The following TSEN15 variants were observed in gnomAD, a reference collection of about 807,000 sequenced individuals.
The protein encoded by TSEN15 is tRNA-splicing endonuclease subunit Sen15.
TSEN15 carries 10 observed loss-of-function variants against 20.5 expected under a neutral mutation model. The ratio of observed to expected loss-of-function variants is 0.49; its 90% confidence interval spans 0.30 to 0.83. The LOEUF is 0.83. TSEN15 is among the 40% of genes least tolerant of loss of function. The pLI, the probability that TSEN15 is intolerant of heterozygous loss-of-function variation, is 0.06. For synonymous variants in TSEN15, 72 were observed against 80.1 expected (o/e 0.90, Z 0.54); for missense variants, 180 against 218.6 (o/e 0.82, Z 1.11).
At chr1:184,054,534 T>C in intron 2 of TSEN15, 99 bp downstream of exon 2, 1 of 1,185,378 alleles carries the variant, frequency 8.4e-7, no homozygotes, top group Non-Finnish European at 1.2e-6. Flanking sequence ...AGCAATCTTT[T>C]ATGCATTTGC....
chr1:184,077,941 T>C (rs1196818882), downstream of TSEN15, among the ~76,000 whole-genome samples: 1 of 152,152 alleles, frequency 6.6e-6, no homozygotes, highest in Non-Finnish European at 1.5e-5. Flanking sequence ...TGACAAAATA[T>C]TTAGAAAATT....
chr1:184,061,219 C>G (rs1442461959), intron 3 of TSEN15, among the ~76,000 whole-genome samples: 1 of 152,112 alleles, frequency 6.6e-6, no homozygotes, highest in Non-Finnish European at 1.5e-5. Context: ...TTGTTAGAAA[C>G]AAATTACTTG....
intron 3 of TSEN15, among the ~76,000 whole-genome samples, chr1:184,081,274 G>A (rs1034590889): frequency 2.0e-5 from 3 of 152,196 alleles, no homozygotes; most frequent in East Asian, 3.9e-4. Context: ...CATTTAACAA[G>A]TGTTTATTGC....
At chr1:184,070,606 A>G (rs1411833864) in intron 3 of TSEN15, 1 of 1,187,142 alleles carries the variant, frequency 8.4e-7, no homozygotes, top group East Asian at 5.7e-5. Flanking sequence ...TTCTATTATT[A>G]TTAATTTAGA....
intron 1 of TSEN15, among the ~76,000 whole-genome samples, chr1:184,052,836 C>T (rs1224529749): frequency 1.3e-5 from 2 of 152,174 alleles, no homozygotes. Context: ...TGGTTAGGCG[C>T]ATGAACTCAA....
intron 3 of TSEN15, among the ~76,000 whole-genome samples, chr1:184,092,583 T>A (rs930003457): frequency 1.3e-5 from 2 of 152,186 alleles, no homozygotes; most frequent in Non-Finnish European, 2.9e-5. Flanking sequence ...CTGAAACCCA[T>A]GAATGAATGA....
intron 3 of TSEN15, among the ~76,000 whole-genome samples, chr1:184,062,109 C>G (rs996825730): frequency 2.0e-5 from 3 of 151,754 alleles, no homozygotes; most frequent in Non-Finnish European, 4.4e-5. Context: ...TTCTGATTAT[C>G]TAGTGGGAAA....
At chr1:184,080,611 A>C (rs1413592402) in intron 3 of TSEN15, among the ~76,000 whole-genome samples, 4 of 152,196 alleles carry the variant, frequency 2.6e-5, no homozygotes, top group African/African-American at 9.6e-5. Context: ...AATTCTGAAA[A>C]ACATATTCAT....
intron 3 of TSEN15, among the ~76,000 whole-genome samples, chr1:184,083,544 C>T (rs577051165): frequency 2.0e-5 from 3 of 152,302 alleles, no homozygotes; most frequent in South Asian, 2.1e-4. Context: ...TAATTCCTCT[C>T]ACATAATTAT....
At chr1:184,055,083 G>C (rs1650199613) in intron 3 of TSEN15, 1 of 476,682 alleles carries the variant, frequency 2.1e-6, no homozygotes, top group African/African-American at 1.9e-5. Context: ...AAAAAAAGAA[G>C]AGGTTTAAGT....
chr1:184,074,125 A>G lies in TSEN15; in HGVS notation c.*1278A>G, dbSNP rs1651007387. 6.6e-6 allele frequency: 1 copy of G among 152,170 alleles called. No individual in the cohort carries two copies. 9.4% of individuals were successfully genotyped at this position (152,170 alleles called of 1,614,324 possible). A position where few individuals can be genotyped will look rare whatever the true frequency, so the allele number is the denominator to read the frequency against. The stretch of plus-strand genomic sequence containing the variant: ...GTAAATCAAATTACTAACTGGTTAT[A>G]GTGGGATAGGAGGCAGAAAATGGAT... On this transcript the variant is annotated 3_prime_UTR_variant, in exon 5 of 5. Transcript: ENST00000645668.
At chr1:184,089,658 A>C (rs1458703390) in intron 3 of TSEN15, among the ~76,000 whole-genome samples, 1 of 152,116 alleles carries the variant, frequency 6.6e-6, no homozygotes, top group African/African-American at 2.4e-5. Flanking sequence ...TATCAAAATC[A>C]TTCATGAGGG....
intron 1 of TSEN15, among the ~76,000 whole-genome samples, chr1:184,053,111 G>C (rs1650114824): frequency 6.6e-6 from 1 of 152,162 alleles, no homozygotes; most frequent in South Asian, 2.1e-4. Context: ...GTGTTATTCA[G>C]TTTATATACT....
intron 3 of TSEN15, chr1:184,094,808 C>G (rs1455433005): frequency 2.6e-6 from 1 of 384,068 alleles, no homozygotes; most frequent in Non-Finnish European, 4.6e-6. Context: ...CAGAGACTAC[C>G]AATAAAATGT....
intron 3 of TSEN15, among the ~76,000 whole-genome samples, chr1:184,085,230 C>A (rs1025664900): frequency 2.0e-5 from 3 of 152,120 alleles, no homozygotes; most frequent in Non-Finnish European, 4.4e-5. Flanking sequence ...GCATTTAAGT[C>A]ATGGGATATG....
At chr1:184,076,177 C>G (rs1209733765), downstream of TSEN15, among the ~76,000 whole-genome samples, 1 of 151,948 alleles carries the variant, frequency 6.6e-6, no homozygotes, top group Non-Finnish European at 1.5e-5. Context: ...GCAACCCTGC[C>G]TCAAGCAAGA....
intron 3 of TSEN15, among the ~76,000 whole-genome samples, chr1:184,065,424 G>T (rs1182679653): frequency 6.6e-6 from 1 of 152,120 alleles, no homozygotes; most frequent in Admixed American, 6.5e-5. Flanking sequence ...GCACAATTCT[G>T]TGGATTTTGA....
intron 3 of TSEN15, among the ~76,000 whole-genome samples, chr1:184,056,265 A>C (rs1346865305): frequency 6.6e-6 from 1 of 152,064 alleles, no homozygotes; most frequent in Non-Finnish European, 1.5e-5. Flanking sequence ...CAGACTTTTA[A>C]ATTTTTGCCA....
chr1:184,069,064 A>G (rs980920712), intron 3 of TSEN15, among the ~76,000 whole-genome samples: 4 of 152,206 alleles, frequency 2.6e-5, no homozygotes, highest in African/African-American at 4.8e-5. Flanking sequence ...GAAAGCATTT[A>G]AATAGCTTGG....
Sources: gnomAD v4.1 joint callset for allele counts (sites outside exome capture counted in the v4.1 genomes callset) on GRCh38, gnomAD v4.1.1 for gene constraint, MANE v1.5 for transcripts, NCBI Gene and HGNC (gene_info 2026-07-23, HGNC 2026-07-21) for gene names.